ATR: variants seen among roughly 807,000 people sequenced by gnomAD.
ATR encodes the protein serine/threonine-protein kinase ATR.
Under a neutral mutation model 305.3 loss-of-function variants are expected in ATR, and 142 were observed. The ratio of observed to expected loss-of-function variants is 0.47; its 90% confidence interval spans 0.41 to 0.53. ATR has a LOEUF of 0.53. Ranked by LOEUF, ATR falls within the 20% of genes least tolerant of loss-of-function variation. The pLI is 0.00. For synonymous variants in ATR, 1,050 were observed against 1,068.1 expected (o/e 0.98, Z 0.33); for missense variants, 2,135 against 3,133.1 (o/e 0.68, Z 7.60).
chr3:142,501,339 T>C (rs2031952246), intron 30 of ATR, among the ~76,000 whole-genome samples: 1 of 152,300 alleles, frequency 6.6e-6, no homozygotes, highest in Non-Finnish European at 1.5e-5. Flanking sequence ...TCAACTAATC[T>C]GGAGAAACAT....
chr3:142,544,473 A>AAAAAAAAAAAAAAAAAAAAAAAAAAAAC (rs2034189431), intron 16 of ATR, among the ~76,000 whole-genome samples: 1 of 149,618 alleles, frequency 6.7e-6, no homozygotes, highest in Non-Finnish European at 1.5e-5. Flanking sequence ...AAAAAAAAAA[A>AAAAAAAAAAAAAAAAAAAAAAAAAAAAC]AAAAAAAGAT....
In ATR at chr3:142,547,810, A is replaced by G; in HGVS notation, c.3272T>C (p.Phe1091Ser). The change falls in exon 16 of 47, where the codon TTT becomes TCT. Residue 1091 changes from phenylalanine (F) to serine (S), a missense_variant. Physicochemically the swap from Phe to Ser is radical, Grantham distance 155. This residue lies in a region of ATR where 530 missense variants were observed against 766.8 expected (regional missense o/e 0.69). Coordinates refer to ENST00000350721, the MANE Select transcript of ATR (RefSeq NM_001184.4). ...TGAGGCAAGTATTGACAAACCATTA[A>G]AAACCTGTTGATAGTGTTCTCCAAT... ...LRIGEHYQQV[F>S]NGLSILASFA... The G allele has an allele frequency of 6.2e-7, 1 of 1,614,030 alleles. No homozygotes were observed. The highest frequency in any genetic ancestry group is 8.5e-7 in the Non-Finnish European group (1 of 1,179,950).
intron 24 of ATR, among the ~76,000 whole-genome samples, chr3:142,518,664 ATATGC>A (rs2033014654): frequency 6.6e-6 from 1 of 152,250 alleles, no homozygotes; most frequent in Non-Finnish European, 1.5e-5. Context: ...TAGGAAATAA[ATATGC>A]ATACCTCTGG....
chr3:142,461,328 C>T (rs1290480258), intron 42 of ATR, among the ~76,000 whole-genome samples: 4 of 152,118 alleles, frequency 2.6e-5, no homozygotes, highest in Non-Finnish European at 5.9e-5. Flanking sequence ...ATCCTTTCTA[C>T]ATTTATTCAT....
At chr3:142,537,182 C>T (rs2033890081) in intron 19 of ATR, among the ~76,000 whole-genome samples, 1 of 152,054 alleles carries the variant, frequency 6.6e-6, no homozygotes. Flanking sequence ...CCTCAAACTC[C>T]TGGGTTCAAA....
chr3:142,522,003 T>C (rs1332671315), intron 23 of ATR, among the ~76,000 whole-genome samples: 1 of 152,198 alleles, frequency 6.6e-6, no homozygotes, highest in East Asian at 1.9e-4. Flanking sequence ...CAGAGAAACC[T>C]TTCATGAAAG....
intron 23 of ATR, among the ~76,000 whole-genome samples, chr3:142,521,275 A>G (rs80236525): frequency 0.028 from 4,237 of 152,262 alleles, 181 homozygotes; most frequent in African/African-American, 0.097. Context: ...GTCACAATAA[A>G]AGATTCCTTT....
At chr3:142,572,372 CTTTTTTTTTTTTT>C (rs11318957) in intron 1 of ATR, among the ~76,000 whole-genome samples, 4 of 56,802 alleles carry the variant, frequency 7.0e-5, no homozygotes, top group Admixed American at 2.6e-4. Flanking sequence ...CCCGGCCTGA[CTTTTTTTTTTTTT>C]TTTTTTTTTT....
At chr3:142,503,540 A>T in intron 29 of ATR, 87 bp from the exon 30 acceptor site, 1 of 746,038 alleles carries the variant, frequency 1.3e-6, no homozygotes, top group Non-Finnish European at 2.2e-6. Flanking sequence ...ATTCTTTAAA[A>T]ATTACTATTT....
intron 28 of ATR, among the ~76,000 whole-genome samples, chr3:142,506,113 T>G (rs2032222304): frequency 6.6e-6 from 1 of 152,132 alleles, no homozygotes; most frequent in Non-Finnish European, 1.5e-5. Flanking sequence ...AGAGAAGTCT[T>G]GTTGAAATGG....
intron 7 of ATR, 102 bp downstream of exon 7, chr3:142,559,149 A>C (rs2034788997): frequency 1.6e-6 from 2 of 1,268,110 alleles, no homozygotes; most frequent in Non-Finnish European, 2.2e-6. Context: ...AAAACTTCTG[A>C]GTATTCCAAA....
rs2034433771 is a variant in ATR at position 142,550,436 on chromosome 3, C to G, written c.2806-134G>C. 5 of 927,612 alleles carry G rather than the reference C, an allele frequency of 5.4e-6. No homozygotes were observed. The East Asian group carries it at 1.0e-4, about 19-fold the overall frequency. 57.5% of individuals were successfully genotyped at this position (927,612 alleles called of 1,614,324 possible). A position where few individuals can be genotyped will look rare whatever the true frequency, so the allele number is the denominator to read the frequency against. ...GAATTGGTCCATTCAATTTTTATAA[C>G]AACCTTAATGAGGTAGACTATGTCA... On this transcript the variant is annotated intron_variant, in intron 13 of 46. Transcript: ENST00000350721.
At chr3:142,504,833 G>C (rs374397341) in intron 29 of ATR, among the ~76,000 whole-genome samples, 2 of 152,114 alleles carry the variant, frequency 1.3e-5, no homozygotes, top group South Asian at 2.1e-4. Context: ...AGCTTAGAGA[G>C]GGTTAAATAT....
At chr3:142,557,301 T>C (rs942099288) in intron 8 of ATR, among the ~76,000 whole-genome samples, 1 of 152,126 alleles carries the variant, frequency 6.6e-6, no homozygotes, top group African/African-American at 2.4e-5. Flanking sequence ...GACTAAAGAA[T>C]CATTTATAAA....
rs767235894 is a variant in ATR, at chr3:142,524,139, CCAA to C, written c.4003_4005del (p.Leu1335del). On this transcript the variant is annotated inframe_deletion, in exon 22 of 47. Coordinates refer to ENST00000350721, the MANE Select transcript of ATR (RefSeq NM_001184.4). ...TGGCAACCTTTCAAAAGCACTGTCA[CCAA>C]CTGTGAGATAATAGGTTCTACTGTT... The C allele has an allele frequency of 6.2e-7, 1 of 1,614,080 alleles. No individual in the cohort carries two copies. Among genetic ancestry groups the C allele is most frequent in the South Asian group, 1.1e-5 (1 of 91,082 alleles).
At chr3:142,501,068 T>A (rs908742428) in intron 30 of ATR, among the ~76,000 whole-genome samples, 1 of 152,164 alleles carries the variant, frequency 6.6e-6, no homozygotes, top group African/African-American at 2.4e-5. Context: ...AGGAAAAATA[T>A]TTGTTTAATG....
intron 36 of ATR, among the ~76,000 whole-genome samples, chr3:142,476,365 T>G (rs1321028572): frequency 2.6e-5 from 4 of 152,164 alleles, no homozygotes; most frequent in Admixed American, 6.5e-5. Context: ...TTTCCCCATT[T>G]CTTGTTTTTG....
intron 27 of ATR, among the ~76,000 whole-genome samples, chr3:142,511,911 C>T (rs1559952299): frequency 6.6e-6 from 1 of 151,690 alleles, no homozygotes; most frequent in Non-Finnish European, 1.5e-5. Context: ...GTCAGGAGTT[C>T]GAGACCAGTC....
At chr3:142,558,939 A>C in intron 7 of ATR, 163 bp from the exon 8 acceptor site, 1 of 725,020 alleles carries the variant, frequency 1.4e-6, no homozygotes. Context: ...GTGAACCCAA[A>C]GAAATTAAAT....
Sources: gnomAD v4.1 joint callset for allele counts (sites outside exome capture counted in the v4.1 genomes callset) on GRCh38, gnomAD v4.1.1 for gene constraint, gnomAD v4.1.1 regional missense constraint, MANE v1.5 for transcripts, NCBI Gene and HGNC (gene_info 2026-07-23, HGNC 2026-07-21) for gene names.